Variants in SH3GL3 observed in about 807,000 individuals in gnomAD.
SH3GL3 encodes the protein SH3 domain containing GRB2 like 3, endophilin A3.
A neutral mutation model predicts 47.7 loss-of-function variants in SH3GL3; 33 were observed. The ratio of observed to expected loss-of-function variants is 0.69; its 90% CI spans 0.52 to 0.92. The LOEUF is 0.92. Among genes scored for constraint, SH3GL3 ranks in the 40% least tolerant of loss-of-function variants. The pLI is 0.00. For missense variants in SH3GL3, 363 were observed against 417.8 expected (o/e 0.87, Z 1.14); for synonymous variants, 155 against 148.8 (o/e 1.04, Z -0.30).
intron 1 of SH3GL3, among the ~76,000 whole-genome samples, chr15:83,482,075 C>T (rs1046639488): frequency 1.3e-5 from 2 of 152,166 alleles, no homozygotes; most frequent in African/African-American, 4.8e-5. Context: ...TCTTGCCATT[C>T]ATTTGAAATG....
chr15:83,614,161 A>G (rs1336732152), intron 8 of SH3GL3, among the ~76,000 whole-genome samples: 1 of 152,148 alleles, frequency 6.6e-6, no homozygotes, highest in Non-Finnish European at 1.5e-5. Flanking sequence ...ACCCAAGGAA[A>G]ATGAAAAGTT....
chr15:83,601,775 C>G (rs185319968), intron 8 of SH3GL3, among the ~76,000 whole-genome samples: 3 of 149,962 alleles, frequency 2.0e-5, no homozygotes, highest in South Asian at 2.1e-4. Context: ...GGATTGGTAC[C>G]GATTCTTCTT....
At chr15:83,508,793 A>G (rs980011209) in intron 1 of SH3GL3, among the ~76,000 whole-genome samples, 2 of 152,048 alleles carry the variant, frequency 1.3e-5, no homozygotes, top group African/African-American at 4.8e-5. Flanking sequence ...GTTGGCCACC[A>G]TCATGTTGGC....
intron 1 of SH3GL3, among the ~76,000 whole-genome samples, chr15:83,485,598 C>G (rs1363641042): frequency 6.6e-6 from 1 of 152,180 alleles, no homozygotes; most frequent in Non-Finnish European, 1.5e-5. Flanking sequence ...ATCCTCCTGC[C>G]TCAGCCTCCC....
Position 83,542,729 on chromosome 15 carries a change from G to A in SH3GL3, c.46-16524G>A, listed in dbSNP as rs193040132. ...GTATTTTATGTAATTTGTAGCAATT[G>A]TAAATGTGTTTACTTTATTGATTTC... On this transcript the variant is annotated intron_variant, in intron 1 of 8. Coordinates refer to ENST00000427482, the MANE Select transcript of SH3GL3 (RefSeq NM_003027.5). 1.0e-3 allele frequency among the ~76,000 whole-genome samples: 156 copies of A among 152,108 alleles called. 1 individual carries two copies. Among genetic ancestry groups the A allele is most frequent in the African/African-American group, 3.7e-3 (152 of 41,540 alleles).
At chr15:83,550,440 G>C (rs1350340246) in intron 1 of SH3GL3, among the ~76,000 whole-genome samples, 1 of 151,950 alleles carries the variant, frequency 6.6e-6, no homozygotes, top group Non-Finnish European at 1.5e-5. Context: ...ACCCAGGCTG[G>C]AGTGCAGTGG....
At chr15:83,530,822 G>A (rs1333357755) in intron 1 of SH3GL3, among the ~76,000 whole-genome samples, 1 of 151,982 alleles carries the variant, frequency 6.6e-6, no homozygotes, top group East Asian at 1.9e-4. Context: ...TTGCCATCTA[G>A]CAATTGTATG....
At chr15:83,574,003 A>G (rs532300541) in intron 5 of SH3GL3, among the ~76,000 whole-genome samples, 2 of 152,292 alleles carry the variant, frequency 1.3e-5, no homozygotes, top group South Asian at 4.1e-4. Context: ...TTCTCAGAGG[A>G]GGAGAAGCTG....
intron 8 of SH3GL3, among the ~76,000 whole-genome samples, chr15:83,614,401 G>A (rs909558697): frequency 1.3e-5 from 2 of 152,168 alleles, no homozygotes; most frequent in Admixed American, 6.5e-5. Context: ...TATTGCAGGT[G>A]GGTTCAGAGT....
the SH3GL3 span, among the ~76,000 whole-genome samples, chr15:83,626,121 C>T: frequency 1.3e-5 from 2 of 152,182 alleles, no homozygotes; most frequent in Admixed American, 6.5e-5. Flanking sequence ...CATGAGCTAT[C>T]GCACCCAACC....
chr15:83,612,762 G>A (rs2151847332), intron 8 of SH3GL3, among the ~76,000 whole-genome samples: 1 of 152,212 alleles, frequency 6.6e-6, no homozygotes, highest in Non-Finnish European at 1.5e-5. Context: ...TTCTCTGGAT[G>A]GCAGGAAACA....
the SH3GL3 span, among the ~76,000 whole-genome samples, chr15:83,632,776 A>G: frequency 1.3e-5 from 2 of 152,228 alleles, no homozygotes; most frequent in Non-Finnish European, 2.9e-5. Flanking sequence ...TATGGGAACT[A>G]CAATTCAAGA....
At chr15:83,499,778 TAA>T (rs144352160) in intron 1 of SH3GL3, among the ~76,000 whole-genome samples, 2,020 of 151,928 alleles carry the variant, frequency 0.013, 43 homozygotes, top group African/African-American at 0.045. Context: ...GCAACCTGAG[TAA>T]AGTATATAAA....
At chr15:83,583,201 G>A (rs951827860) in intron 6 of SH3GL3, among the ~76,000 whole-genome samples, 2 of 152,314 alleles carry the variant, frequency 1.3e-5, no homozygotes, top group Non-Finnish European at 2.9e-5. Flanking sequence ...GACCCCAGGC[G>A]TCTGGACAGG....
chr15:83,457,016 C>T (rs1187912105), intron 1 of SH3GL3, among the ~76,000 whole-genome samples: 1 of 152,176 alleles, frequency 6.6e-6, no homozygotes, highest in East Asian at 1.9e-4. Context: ...AAAAATATAG[C>T]TTACAATATT....
chr15:83,587,029 A>C lies in SH3GL3; in HGVS notation c.671A>C (p.Asp224Ala), dbSNP rs781100806. 1 of 1,611,156 alleles carries C rather than the reference A, an allele frequency of 6.2e-7. No individual in the cohort carries two copies. The highest frequency in any genetic ancestry group is 2.2e-5 in the East Asian group (1 of 44,662). Residue 224 changes from aspartate (D) to alanine (A), a missense_variant, in exon 7 of 9, where the codon GAC becomes GCC. Physicochemically the swap from Asp to Ala is moderately radical, Grantham distance 126. Transcript: ENST00000427482. ...QLAVFIEAALDYHRQSTEILQ... is the reference protein window; with the variant it reads ...QLAVFIEAALAYHRQSTEILQ... ...GCTGTGTTCATAGAGGCAGCATTAG[A>C]CTATCACAGACAGTCCACAGAGATT...
At chr15:83,459,898 A>G (rs2151503936) in intron 1 of SH3GL3, among the ~76,000 whole-genome samples, 1 of 150,468 alleles carries the variant, frequency 6.6e-6, no homozygotes, top group East Asian at 2.0e-4. Context: ...TGGAGTGGTG[A>G]CTCTCACTCT....
intron 1 of SH3GL3, among the ~76,000 whole-genome samples, chr15:83,450,802 T>TA (rs1555469762): frequency 0.27 from 5,004 of 18,560 alleles, 316 homozygotes; most frequent in East Asian, 0.52. Flanking sequence ...TTTTTTTTTT[T>TA]AATTTTTTTT....
chr15:83,517,068 G>T (rs2043006890), intron 1 of SH3GL3, among the ~76,000 whole-genome samples: 1 of 151,956 alleles, frequency 6.6e-6, no homozygotes, highest in Non-Finnish European at 1.5e-5. Context: ...AAATATTGCT[G>T]CTATGAACAT....
Sources: gnomAD v4.1 joint callset for allele counts (sites outside exome capture counted in the v4.1 genomes callset) on GRCh38, gnomAD v4.1.1 for gene constraint, MANE v1.5 for transcripts, NCBI Gene and HGNC (gene_info 2026-07-23, HGNC 2026-07-21) for gene names.